The following GNB1 variants were observed in gnomAD, a reference collection of about 807,000 sequenced individuals.
The protein encoded by GNB1 is guanine nucleotide-binding protein G(I)/G(S)/G(T) subunit beta-1.
In GNB1, 2 loss-of-function variants were observed where a neutral mutation model predicts 42.9. The observed-to-expected ratio is 0.05, with a 90% CI of 0.02 to 0.15. The LOEUF (loss-of-function observed/expected upper bound fraction) is 0.15. Among genes scored for constraint, GNB1 ranks in the 10% least tolerant of loss-of-function variants. The pLI is 1.00. For synonymous variants in GNB1, 183 were observed against 174.7 expected (o/e 1.05, Z -0.38); for missense variants, 193 against 462.2 (o/e 0.42, Z 5.34).
chr1:1,815,854 G>A lies in GNB1; in HGVS notation c.105C>T (p.Asn35=). ...CADATLSQIT[N]NIDPVGRIQM... ...GGATTCTTCCCACTGGGTCGATGTTGTTTGTGATCTTGAAAATAAAAACAT... is the reference window on the plus strand; with the variant it reads ...GGATTCTTCCCACTGGGTCGATGTTATTTGTGATCTTGAAAATAAAAACAT... Residue 35 remains asparagine (N), a synonymous_variant, in exon 5 of 12, where the codon AAC becomes AAT. Coordinates refer to ENST00000378609, the MANE Select transcript of GNB1 (RefSeq NM_002074.5). The A allele has an allele frequency of 6.3e-7, 1 of 1,583,270 alleles. No individual in the cohort carries two copies. The highest frequency in any genetic ancestry group is 8.7e-7 in the Non-Finnish European group (1 of 1,151,866).
intron 1 of GNB1, among the ~76,000 whole-genome samples, chr1:1,841,701 GT>G (rs1186465573): frequency 8.5e-5 from 13 of 152,172 alleles, no homozygotes; most frequent in African/African-American, 3.1e-4. Flanking sequence ...TTTACTTAAA[GT>G]AGTTTCGTTT....
chr1:1,787,156 A>C lies in GNB1; in HGVS notation c.*10-103T>G, dbSNP rs1646417723. The C allele has an allele frequency of 5.6e-6, 3 of 539,616 alleles. No individual in the cohort carries two copies. The highest frequency in any genetic ancestry group is 6.7e-5 in the Admixed American group (2 of 29,812). 33.4% of individuals were successfully genotyped at this position (539,616 alleles called of 1,614,324 possible). ...TTCCCATCACTGCATGAGTGTCTGC[A>C]GCTGAGGGCACGTGACTTCAGCTTT... is the stretch of plus-strand genomic sequence containing the variant. On this transcript the variant is annotated intron_variant, in intron 11 of 11. Transcript: ENST00000378609. The surrounding 1 kb of genome is among the most constrained non-coding windows in gnomAD (Gnocchi z 4.4).
At chr1:1,788,133 C>G (rs1208519433) in intron 10 of GNB1, 1 of 152,258 alleles carries the variant, frequency 6.6e-6, no homozygotes, top group African/African-American at 2.4e-5. Flanking sequence ...TCCCTAGAGC[C>G]CAGCACAAGG....
At chr1:1,803,319 G>A (rs1646650424) in intron 7 of GNB1, among the ~76,000 whole-genome samples, 1 of 152,224 alleles carries the variant, frequency 6.6e-6, no homozygotes, top group Non-Finnish European at 1.5e-5. Context: ...CATTTGCAGA[G>A]ACAGGGTCTC....
chr1:1,837,035 A>T (rs1344274185), intron 2 of GNB1, among the ~76,000 whole-genome samples: 2 of 151,928 alleles, frequency 1.3e-5, no homozygotes, highest in African/African-American at 4.8e-5. Flanking sequence ...AAGTCATCTA[A>T]AAGACATTTG....
At chr1:1,829,143 G>A (rs1233384117) in intron 2 of GNB1, among the ~76,000 whole-genome samples, 1 of 152,028 alleles carries the variant, frequency 6.6e-6, no homozygotes, top group African/African-American at 2.4e-5. Flanking sequence ...TGCAACCTCT[G>A]CCTCCCAGGT....
At chr1:1,840,408 G>A (rs1647212926) in intron 1 of GNB1, among the ~76,000 whole-genome samples, 2 of 152,064 alleles carry the variant, frequency 1.3e-5, no homozygotes, top group South Asian at 4.2e-4. Flanking sequence ...GGCACCTGTA[G>A]TCCCAGCTAC....
intron 1 of GNB1, among the ~76,000 whole-genome samples, chr1:1,842,231 C>T (rs919170310): frequency 6.6e-6 from 1 of 152,212 alleles, no homozygotes; most frequent in East Asian, 1.9e-4. Flanking sequence ...CAGATTGAGA[C>T]CATCCTGGCT....
chr1:1,844,391 C>CA (rs66531711), intron 1 of GNB1, among the ~76,000 whole-genome samples: 2 of 128,292 alleles, frequency 1.6e-5, no homozygotes, highest in African/African-American at 5.7e-5. Flanking sequence ...ACTCCGTCTC[C>CA]AAAAAAAAAA....
At chr1:1,788,245 C>A (rs1485676408) in intron 10 of GNB1, 1 of 152,454 alleles carries the variant, frequency 6.6e-6, no homozygotes, top group Admixed American at 6.5e-5. Flanking sequence ...ATAACCTTGG[C>A]TTGGATCATC....
At chr1:1,845,952 T>C (rs965210742) in intron 1 of GNB1, among the ~76,000 whole-genome samples, 3 of 151,612 alleles carry the variant, frequency 2.0e-5, no homozygotes, top group Non-Finnish European at 4.4e-5. Context: ...CTTGGTTTTA[T>C]AAAAACGGTT....
intron 1 of GNB1, among the ~76,000 whole-genome samples, chr1:1,854,780 C>T (rs1053342465): frequency 6.6e-6 from 1 of 152,204 alleles, no homozygotes; most frequent in Non-Finnish European, 1.5e-5. Flanking sequence ...CACCCGTAAT[C>T]CCCGCACTTT....
At chr1:1,889,937 T>C (rs999030956) in intron 1 of GNB1, among the ~76,000 whole-genome samples, 5 of 151,534 alleles carry the variant, frequency 3.3e-5, no homozygotes, top group Non-Finnish European at 7.4e-5. Flanking sequence ...ACCCAGCCTT[T>C]GTGCTATTTC....
chr1:1,811,084 T>A (rs35577086), intron 5 of GNB1, among the ~76,000 whole-genome samples: 73,823 of 143,654 alleles, frequency 0.51, 20,651 homozygotes, highest in Non-Finnish European at 0.62. Flanking sequence ...TATATATATT[T>A]TTTTTTTTTT....
intron 1 of GNB1, among the ~76,000 whole-genome samples, chr1:1,869,327 T>C (rs552497972): frequency 9.9e-5 from 15 of 152,220 alleles, no homozygotes; most frequent in Admixed American, 9.2e-4. Context: ...TACTACTGAC[T>C]TCTATAAGAA....
In GNB1 at chr1:1,832,506, T is replaced by A. The variant is rs753417502; in HGVS notation, c.-47+6684A>T. Among the ~76,000 whole-genome samples the A allele has an allele frequency of 6.4e-4, 98 of 152,366 alleles. 2 individuals are homozygous for A. The highest frequency in any genetic ancestry group is 9.3e-4 in the Non-Finnish European group (63 of 68,042). On this transcript the variant is annotated intron_variant, in intron 2 of 11. Transcript: ENST00000378609. ...TCCTTTTGAGAGAGATTTGAATAACTTAAAAGCAAGCAGGTGAAGGGATCT... is the reference window on the plus strand; with the variant it reads ...TCCTTTTGAGAGAGATTTGAATAACATAAAAGCAAGCAGGTGAAGGGATCT...
chr1:1,790,320 A>T lies in GNB1; in HGVS notation c.699+75T>A. The T allele has an allele frequency of 9.9e-7, 1 of 1,005,146 alleles. No individual in the cohort carries two copies. Among genetic ancestry groups the T allele is most frequent in the Non-Finnish European group, 1.6e-6 (1 of 632,322 alleles). The allele number at this position is 1,005,146 out of a possible 1,614,324, so 62.3% of individuals were successfully genotyped here. The stretch of plus-strand genomic sequence containing the variant: ...GAAAGGAGAACATCTAATCCAGAAA[A>T]GTTTAAAATTTAGCAATCTGAACGG... On this transcript the variant is annotated intron_variant, in intron 9 of 11. Coordinates refer to ENST00000378609, the MANE Select transcript of GNB1 (RefSeq NM_002074.5). The surrounding 1 kb of genome is among the most constrained non-coding windows in gnomAD (Gnocchi z 5.4).
chr1:1,808,355 G>A (rs866457834), intron 5 of GNB1, among the ~76,000 whole-genome samples: 6 of 151,922 alleles, frequency 3.9e-5, no homozygotes, highest in African/African-American at 4.8e-5. Flanking sequence ...TGCTCAGTTC[G>A]GAATCCACAT....
intron 1 of GNB1, among the ~76,000 whole-genome samples, chr1:1,887,395 A>G (rs1334400242): frequency 1.3e-5 from 2 of 152,254 alleles, no homozygotes; most frequent in Non-Finnish European, 2.9e-5. Context: ...TTAGCTACAA[A>G]GCTACAACTT....
Sources: gnomAD v4.1 joint callset for allele counts (sites outside exome capture counted in the v4.1 genomes callset) on GRCh38, gnomAD v4.1.1 for gene constraint, Gnocchi (gnomAD v3.1) non-coding constraint, MANE v1.5 for transcripts, NCBI Gene and HGNC (gene_info 2026-07-23, HGNC 2026-07-21) for gene names.